Variants in USP24 observed in about 807,000 individuals in gnomAD.
The protein encoded by USP24 is ubiquitin carboxyl-terminal hydrolase 24.
A neutral mutation model predicts 361.6 loss-of-function variants in USP24; 97 were observed. That is an observed-to-expected ratio of 0.27 (90% CI 0.23 to 0.32). The LOEUF (loss-of-function observed/expected upper bound fraction) is 0.32, where lower values mean the gene tolerates loss of function less well. USP24 is among the 10% of genes least tolerant of loss of function. The pLI, the probability that USP24 is intolerant of heterozygous loss-of-function variation, is 1.00. For missense variants in USP24, 2,353 were observed against 3,165.6 expected, an observed-to-expected ratio of 0.74 and a Z score of 6.16; for synonymous variants, 1,098 against 1,124.6, an observed-to-expected ratio of 0.98 and a Z score of 0.47.
At chr1:55,138,816 T>C in intron 25 of USP24, 98 bp from the exon 26 acceptor site, 1 of 1,326,330 alleles carries the variant, frequency 7.5e-7, no homozygotes, top group Non-Finnish European at 1.1e-6. Flanking sequence ...GATGCTTTTT[T>C]AAGAAAAGAG....
In USP24 at chr1:55,148,554, T is replaced by C; in HGVS notation, c.1877A>G (p.Asn626Ser). 1 of 1,586,398 alleles carries C rather than the reference T, an allele frequency of 6.3e-7. No homozygotes were observed. The highest frequency in any genetic ancestry group is 8.6e-7 in the Non-Finnish European group (1 of 1,165,074). Residue 626 changes from asparagine to serine, a missense_variant, in exon 17 of 68, where the codon AAT becomes AGT. By Grantham distance (46) the Asn-to-Ser change is conservative. This residue lies in a region of USP24 where 386 missense variants were observed against 560.5 expected (regional missense o/e 0.69). Transcript: ENST00000294383. ...KDGFKSSQLN[N>S]PQFVWVVPAL... ...TGGTACCACCCATACAAACTGGGGA[T>C]TATTAAGCTGAGATGACTAGAGTTA...
chr1:55,212,069 G>A (rs1427949486), intron 1 of USP24, among the ~76,000 whole-genome samples: 3 of 152,208 alleles, frequency 2.0e-5, no homozygotes, highest in Non-Finnish European at 4.4e-5. Context: ...AAGGGCCTGA[G>A]TACTAGCCCC....
chr1:55,166,372 G>C (rs1392793611), intron 6 of USP24, among the ~76,000 whole-genome samples, 196 bp downstream of exon 6: 1 of 151,994 alleles, frequency 6.6e-6, no homozygotes, highest in Non-Finnish European at 1.5e-5. Context: ...ACTGCAGATA[G>C]TACTAAGTCC....
chr1:55,178,781 T>C (rs1051017654), intron 1 of USP24, among the ~76,000 whole-genome samples: 1 of 152,068 alleles, frequency 6.6e-6, no homozygotes, highest in Non-Finnish European at 1.5e-5. Flanking sequence ...ACCCTAGCAC[T>C]TTGGGAGGCT....
chr1:55,159,583 G>T (rs974540146), intron 9 of USP24, 28 bp downstream of exon 9: 8 of 1,545,022 alleles, frequency 5.2e-6, no homozygotes, highest in Non-Finnish European at 7.0e-6. Flanking sequence ...CTGGCACTGG[G>T]GCCTATCTGG....
intron 60 of USP24, 25 bp downstream of exon 60, chr1:55,079,513 T>A: frequency 5.1e-6 from 8 of 1,554,470 alleles, no homozygotes; most frequent in Non-Finnish European, 6.9e-6. Flanking sequence ...GGGAAAAAAA[T>A]GGCTTTAGAA....
intron 67 of USP24, chr1:55,071,324 A>C (rs1644914255): frequency 4.0e-6 from 4 of 989,542 alleles, no homozygotes; most frequent in South Asian, 4.6e-5. Context: ...TTTCTACTAT[A>C]ATGATTGGTA....
chr1:55,075,672 C>CAAT, intron 62 of USP24, 149 bp from the exon 63 acceptor site: 5 of 3,372 alleles, frequency 1.5e-3, no homozygotes, highest in South Asian at 0.011. Context: ...ACAACACCAC[C>CAAT]ACCACCAATA....
At chr1:55,092,682 G>C (rs1191285257) in intron 53 of USP24, 139 bp downstream of exon 53, 24 of 624,646 alleles carry the variant, frequency 3.8e-5, no homozygotes, top group South Asian at 3.3e-4. Flanking sequence ...CCCAATACGG[G>C]CTACATTCAC....
chr1:55,214,901 CCG>C lies in USP24; in HGVS notation c.211_212del (p.Arg71GlyfsTer6). ...GPSPGPGGGPRGDGGGDGGGG... is the reference protein window; with the variant it reads ...GPSPGPGGGPXGDGGGDGGGG... Reference sequence around the variant, plus strand: ...CGCCGCCGTCACCTCCGCCGTCGCCCCGCGGGCCCCCGCCGGGCCCGGGGCTG... The same window carrying C: ...CGCCGCCGTCACCTCCGCCGTCGCCCCGGGCCCCCGCCGGGCCCGGGGCTG... On this transcript the variant is annotated frameshift_variant, in exon 1 of 68. Coordinates refer to ENST00000294383, the MANE Select transcript of USP24 (RefSeq NM_015306.3). LOFTEE classifies it high-confidence loss of function. The C allele has an allele frequency of 7.8e-7, 1 of 1,274,506 alleles. No individual in the cohort carries two copies. The highest frequency in any genetic ancestry group is 1.0e-6 in the Non-Finnish European group (1 of 1,003,098). 78.9% of individuals were successfully genotyped at this position (1,274,506 alleles called of 1,614,324 possible).
intron 24 of USP24, among the ~76,000 whole-genome samples, chr1:55,140,827 C>T (rs532907227): frequency 6.6e-6 from 1 of 152,264 alleles, no homozygotes; most frequent in African/African-American, 2.4e-5. Flanking sequence ...TCATAAAAAA[C>T]CCACAAAAGT....
rs77519796 is a variant in USP24 at position 55,134,010 on chromosome 1, G to T, written c.3381+60C>A. 4.7e-3 allele frequency: 6,483 copies of T among 1,391,098 alleles called. 21 individuals are homozygous for T. Among genetic ancestry groups the T allele is most frequent in the Non-Finnish European group, 5.3e-3 (5,190 of 987,774 alleles). The allele number at this position is 1,391,098 out of a possible 1,614,324, so 86.2% of individuals were successfully genotyped here. A position where few individuals can be genotyped will look rare whatever the true frequency, so the allele number is the denominator to read the frequency against. On this transcript the variant is annotated intron_variant, in intron 30 of 67. Coordinates refer to ENST00000294383, the MANE Select transcript of USP24 (RefSeq NM_015306.3). Reference sequence around the variant, plus strand: ...TATGACCTTGATGTGATTTCAGGTTGTATTTTCACTCACTGAATTGTGATA... The same window carrying T: ...TATGACCTTGATGTGATTTCAGGTTTTATTTTCACTCACTGAATTGTGATA...
intron 59 of USP24, 141 bp from the exon 60 acceptor site, chr1:55,079,800 TCACA>T: frequency 8.8e-7 from 1 of 1,137,688 alleles, no homozygotes; most frequent in Non-Finnish European, 1.2e-6. Context: ...CACTGAGTAC[TCACA>T]CACTGAGTAC....
In USP24 at chr1:55,147,080, T is replaced by C. The variant is rs775136329; in HGVS notation, c.2119-20A>G. The stretch of plus-strand genomic sequence containing the variant: ...TAAATACTGCAAAAAGAAATAATGC[T>C]AATTAGTTAACTCCAGGCATTCATT... On this transcript the variant is annotated intron_variant, in intron 18 of 67. Transcript: ENST00000294383. The C allele has an allele frequency of 6.5e-7, 1 of 1,526,822 alleles. No homozygotes were observed. Among genetic ancestry groups the C allele is most frequent in the Non-Finnish European group, 8.8e-7 (1 of 1,141,288 alleles). 94.6% of individuals were successfully genotyped at this position (1,526,822 alleles called of 1,614,324 possible). A position where few individuals can be genotyped will look rare whatever the true frequency, so the allele number is the denominator to read the frequency against.
chr1:55,215,022 T>C lies in USP24; in HGVS notation c.92A>G (p.Lys31Arg). The C allele has an allele frequency of 6.7e-7, 1 of 1,485,342 alleles. No homozygotes were observed. Among genetic ancestry groups the C allele is most frequent in the Non-Finnish European group, 8.9e-7 (1 of 1,117,724 alleles). The allele number at this position is 1,485,342 out of a possible 1,614,324, so 92.0% of individuals were successfully genotyped here. The change falls in exon 1 of 68, where the codon AAG becomes AGG. Residue 31 changes from lysine to arginine, a missense_variant. Coordinates refer to ENST00000294383, the MANE Select transcript of USP24 (RefSeq NM_015306.3). The part of the protein sequence containing the change: ...ATIRKALRLA[K>R]NDINEAVALL... ...TGCCACGGCCTCGTTAATGTCGTTCTTGGCCAGGCGCAGGGCCTTGCGGAT... is the reference window on the plus strand; with the variant it reads ...TGCCACGGCCTCGTTAATGTCGTTCCTGGCCAGGCGCAGGGCCTTGCGGAT...
At chr1:55,186,460 A>C (rs925392149) in intron 1 of USP24, among the ~76,000 whole-genome samples, 1 of 152,232 alleles carries the variant, frequency 6.6e-6, no homozygotes, top group African/African-American at 2.4e-5. Flanking sequence ...GCTTGAGCAG[A>C]TATTTGTACA....
chr1:55,211,646 G>A (rs560386983), intron 1 of USP24, among the ~76,000 whole-genome samples: 1 of 152,224 alleles, frequency 6.6e-6, no homozygotes, highest in South Asian at 2.1e-4. Context: ...GTCTTTTCTT[G>A]TAAAATGAGA....
intron 1 of USP24, among the ~76,000 whole-genome samples, chr1:55,191,784 C>T (rs1214748309): frequency 6.6e-6 from 1 of 152,162 alleles, no homozygotes; most frequent in Non-Finnish European, 1.5e-5. Flanking sequence ...GCCACCCTGC[C>T]TGGCCTGGCA....
chr1:55,176,733 G>C (rs1006261868), intron 2 of USP24, among the ~76,000 whole-genome samples: 1 of 152,166 alleles, frequency 6.6e-6, no homozygotes, highest in Non-Finnish European at 1.5e-5. Context: ...TTCCATGTCA[G>C]AGTAACTTCA....
Sources: allele counts gnomAD v4.1 joint callset (sites outside exome capture counted in the v4.1 genomes callset), GRCh38; gene constraint gnomAD v4.1.1; regional missense constraint gnomAD v4.1.1; transcripts MANE v1.5; gene names NCBI Gene and HGNC (gene_info 2026-07-23, HGNC 2026-07-21).